Variants in PRKG1 observed in about 807,000 individuals in gnomAD.
PRKG1 encodes the protein protein kinase cGMP-dependent 1, also known as cGMP-dependent protein kinase 1.
Under a neutral mutation model 88.1 loss-of-function variants are expected in PRKG1, and 35 were observed. That is an observed-to-expected ratio of 0.40 (90% CI 0.30 to 0.53). The LOEUF (loss-of-function observed/expected upper bound fraction) is 0.53, where lower values mean the gene tolerates loss of function less well. Among genes scored for constraint, PRKG1 ranks in the 20% least tolerant of loss-of-function variants. The pLI is 0.59. For synonymous variants in PRKG1, 303 were observed against 292.5 expected, an observed-to-expected ratio of 1.04 and a Z score of -0.37; for missense variants, 540 against 839.8, an observed-to-expected ratio of 0.64 and a Z score of 4.41.
At chr10:51,389,365 G>T (rs754652801) in intron 2 of PRKG1, among the ~76,000 whole-genome samples, 2 of 152,130 alleles carry the variant, frequency 1.3e-5, no homozygotes, top group Non-Finnish European at 2.9e-5. Context: ...GTTAGGAAAA[G>T]AACCCCACAG....
intron 2 of PRKG1, among the ~76,000 whole-genome samples, chr10:51,309,466 A>G (rs545135246): frequency 6.6e-6 from 1 of 152,318 alleles, no homozygotes; most frequent in South Asian, 2.1e-4. Context: ...AAGAAGATAT[A>G]CAAATGGTCA....
At chr10:52,229,925 A>G (rs1475008021) in intron 9 of PRKG1, among the ~76,000 whole-genome samples, 1 of 152,158 alleles carries the variant, frequency 6.6e-6, no homozygotes, top group Non-Finnish European at 1.5e-5. Flanking sequence ...TAGAAATCCC[A>G]TGCTTCCTTC....
intron 2 of PRKG1, among the ~76,000 whole-genome samples, chr10:51,450,815 A>G (rs540199532): frequency 4.2e-4 from 63 of 151,630 alleles, no homozygotes; most frequent in African/African-American, 1.4e-3. Flanking sequence ...AACTTGAATG[A>G]GTGGAGAGAA....
chr10:51,515,979 G>T (rs1039597494), intron 3 of PRKG1, among the ~76,000 whole-genome samples: 3 of 152,164 alleles, frequency 2.0e-5, no homozygotes, highest in Non-Finnish European at 4.4e-5. Flanking sequence ...AGCTCAGTGG[G>T]CCCTTTGCCT....
intron 3 of PRKG1, among the ~76,000 whole-genome samples, chr10:51,690,124 A>G (rs1183643557): frequency 6.6e-6 from 1 of 152,154 alleles, no homozygotes; most frequent in African/African-American, 2.4e-5. Flanking sequence ...CCAGAGCAGG[A>G]GCAAGAGAGC....
intron 2 of PRKG1, among the ~76,000 whole-genome samples, chr10:51,383,776 G>A (rs563106680): frequency 1.3e-5 from 2 of 152,088 alleles, no homozygotes; most frequent in African/African-American, 2.4e-5. Context: ...TTGCCTCTAC[G>A]TGAAACAGCC....
upstream of PRKG1, among the ~76,000 whole-genome samples, chr10:51,072,772 A>T (rs903230701): frequency 2.0e-5 from 3 of 152,154 alleles, no homozygotes; most frequent in African/African-American, 7.2e-5. Flanking sequence ...TAGTCCTCTA[A>T]TTAAAAACAA....
At chr10:51,558,053 G>A (rs1837357593) in intron 3 of PRKG1, among the ~76,000 whole-genome samples, 1 of 151,892 alleles carries the variant, frequency 6.6e-6, no homozygotes, top group Non-Finnish European at 1.5e-5. Context: ...TTTTGATGTA[G>A]GCCTATTTGG....
At chr10:51,746,006 T>C (rs574614929) in intron 3 of PRKG1, among the ~76,000 whole-genome samples, 5 of 152,240 alleles carry the variant, frequency 3.3e-5, no homozygotes, top group African/African-American at 1.2e-4. Flanking sequence ...ATCTTGTCTG[T>C]CTAGTTTTTT....
At chr10:52,068,824 A>G (rs1004325538) in intron 7 of PRKG1, among the ~76,000 whole-genome samples, 3 of 152,196 alleles carry the variant, frequency 2.0e-5, no homozygotes, top group African/African-American at 7.2e-5. Flanking sequence ...AAGCTCCTGT[A>G]AACTAAGCCA....
chr10:51,091,450 CT>C (rs1844396286), intron 1 of PRKG1, among the ~76,000 whole-genome samples: 1 of 152,118 alleles, frequency 6.6e-6, no homozygotes, highest in Non-Finnish European at 1.5e-5. Context: ...TTTTCTATAC[CT>C]TTCATATAAA....
chr10:52,060,904 G>A (rs760205936), intron 6 of PRKG1, among the ~76,000 whole-genome samples: 13 of 151,846 alleles, frequency 8.6e-5, no homozygotes, highest in Non-Finnish European at 1.0e-4. Flanking sequence ...AATAAAACTG[G>A]AAGCAACCCA....
At chr10:51,435,593 C>T (rs186635518) in intron 2 of PRKG1, among the ~76,000 whole-genome samples, 16 of 152,018 alleles carry the variant, frequency 1.1e-4, no homozygotes, top group Admixed American at 2.6e-4. Context: ...TTTGAAATGT[C>T]TACCTTTCTT....
intron 16 of PRKG1, among the ~76,000 whole-genome samples, chr10:52,289,958 C>T (rs1842203024): frequency 2.0e-5 from 3 of 152,102 alleles, no homozygotes; most frequent in Admixed American, 2.0e-4. Flanking sequence ...AGTGTAGGAA[C>T]AAGGTCATAG....
chr10:52,290,773 T>C (rs767783949), intron 17 of PRKG1, among the ~76,000 whole-genome samples: 14 of 152,102 alleles, frequency 9.2e-5, no homozygotes, highest in Non-Finnish European at 1.8e-4. Context: ...GGAGGATCAC[T>C]TGAGCCCAGG....
At chr10:51,389,974 T>C (rs963101146) in intron 2 of PRKG1, among the ~76,000 whole-genome samples, 3 of 152,224 alleles carry the variant, frequency 2.0e-5, no homozygotes, top group African/African-American at 7.2e-5. Context: ...TTCAGTCCAC[T>C]GGCCATATGC....
chr10:51,466,424 TGAG>T (rs1365503530), intron 2 of PRKG1, among the ~76,000 whole-genome samples: 8 of 152,208 alleles, frequency 5.3e-5, no homozygotes, highest in Non-Finnish European at 1.2e-4. Context: ...TCAAAAATAA[TGAG>T]GAGATTTTTA....
chr10:51,705,230 AT>A (rs1841577519), intron 3 of PRKG1, among the ~76,000 whole-genome samples: 2 of 152,032 alleles, frequency 1.3e-5, no homozygotes, highest in South Asian at 4.1e-4. Context: ...AAAGACTTCC[AT>A]TTAGAGTACT....
Position 51,319,062 on chromosome 10 carries a change from A to G in PRKG1, c.479-148661A>G, listed in dbSNP as rs1170255038. Among the ~76,000 whole-genome samples, 4 of 152,246 alleles carry G rather than the reference A, an allele frequency of 2.6e-5. No homozygotes were observed. In the South Asian group the frequency reaches 8.3e-4, roughly 31 times the overall value. On this transcript the variant is annotated intron_variant, in intron 2 of 17. Coordinates refer to ENST00000373980, the MANE Select transcript of PRKG1 (RefSeq NM_006258.4). ...ATTTGTGACAATTTTGTTAAAATAT[A>G]CAGTCTCAAATTGGTTTCTTACACA... is the stretch of plus-strand genomic sequence containing the variant.
Sources: gnomAD v4.1 joint callset for allele counts (sites outside exome capture counted in the v4.1 genomes callset) on GRCh38, gnomAD v4.1.1 for gene constraint, MANE v1.5 for transcripts, NCBI Gene and HGNC (gene_info 2026-07-23, HGNC 2026-07-21) for gene names.